The following RAB28 variants were observed in gnomAD, a reference collection of about 807,000 sequenced individuals.
RAB28 encodes ras-related protein Rab-28.
A neutral mutation model predicts 31.7 loss-of-function variants in RAB28; 24 were observed. The ratio of observed to expected loss-of-function variants is 0.76; its 90% CI spans 0.55 to 1.06. RAB28 has a LOEUF of 1.06. RAB28 is among the 50% of genes least tolerant of loss of function. RAB28 has a pLI of 0.00. For synonymous variants in RAB28, 100 were observed against 90.4 expected, an observed-to-expected ratio of 1.11 and a Z score of -0.60; for missense variants, 254 against 258.5, an observed-to-expected ratio of 0.98 and a Z score of 0.12.
At chr4:13,415,008 G>A (rs550557868) in intron 4 of RAB28, among the ~76,000 whole-genome samples, 14 of 152,244 alleles carry the variant, frequency 9.2e-5, no homozygotes, top group African/African-American at 3.4e-4. Flanking sequence ...AGTATTAAGG[G>A]TTCTTGGTAT....
intron 2 of RAB28, among the ~76,000 whole-genome samples, chr4:13,476,438 C>T (rs1716362761): frequency 6.6e-6 from 1 of 151,310 alleles, no homozygotes. Flanking sequence ...TGATAGTCCA[C>T]TAATATAGAA....
intron 3 of RAB28, among the ~76,000 whole-genome samples, chr4:13,461,832 G>C (rs2108961122): frequency 1.3e-5 from 2 of 152,202 alleles, no homozygotes; most frequent in Non-Finnish European, 2.9e-5. Context: ...TGTAACAGTA[G>C]TAATCAACTA....
intron 4 of RAB28, among the ~76,000 whole-genome samples, chr4:13,448,793 T>C (rs1036066556): frequency 6.6e-6 from 1 of 152,000 alleles, no homozygotes; most frequent in Non-Finnish European, 1.5e-5. Context: ...CAGCTTTAAG[T>C]ATATATAACA....
chr4:13,380,472 A>G (rs1729084575), intron 5 of RAB28, among the ~76,000 whole-genome samples: 1 of 152,198 alleles, frequency 6.6e-6, no homozygotes, highest in African/African-American at 2.4e-5. Flanking sequence ...ATAGAAAGTT[A>G]TAACAAGTAA....
intron 3 of RAB28, among the ~76,000 whole-genome samples, chr4:13,464,721 C>T (rs1450415806): frequency 6.6e-6 from 1 of 152,076 alleles, no homozygotes; most frequent in Non-Finnish European, 1.5e-5. Flanking sequence ...AAGCCTCACA[C>T]TAAAATTCTA....
At chr4:13,449,743 T>C (rs961468555) in intron 4 of RAB28, among the ~76,000 whole-genome samples, 3 of 151,886 alleles carry the variant, frequency 2.0e-5, no homozygotes, top group African/African-American at 7.2e-5. Context: ...AGAGTAGAAA[T>C]CATTCATCCA....
chr4:13,449,246 T>C (rs777472457), intron 4 of RAB28, among the ~76,000 whole-genome samples: 1 of 151,964 alleles, frequency 6.6e-6, no homozygotes, highest in African/African-American at 2.4e-5. Flanking sequence ...ATATTACCAA[T>C]TTAATAGTTT....
chr4:13,480,279 C>A (rs1034104508), intron 1 of RAB28, among the ~76,000 whole-genome samples: 1 of 151,556 alleles, frequency 6.6e-6, no homozygotes, highest in African/African-American at 2.4e-5. Flanking sequence ...CTTATCAAAG[C>A]AAAAGAATAA....
intron 4 of RAB28, among the ~76,000 whole-genome samples, chr4:13,457,657 A>C (rs549702586): frequency 6.6e-6 from 1 of 152,254 alleles, no homozygotes; most frequent in South Asian, 2.1e-4. Flanking sequence ...AATCTCCAAC[A>C]TAACACTGTA....
chr4:13,377,490 G>GAAC, intron 5 of RAB28, among the ~76,000 whole-genome samples: 1 of 152,288 alleles, frequency 6.6e-6, no homozygotes, highest in Non-Finnish European at 1.5e-5. Context: ...AATGGTCAAG[G>GAAC]AACAACAGGA....
intron 2 of RAB28, among the ~76,000 whole-genome samples, chr4:13,474,868 CA>C (rs998015283): frequency 6.6e-6 from 1 of 151,472 alleles, no homozygotes; most frequent in Non-Finnish European, 1.5e-5. Context: ...TAGCAAACTA[CA>C]AAAATGCACC....
intron 3 of RAB28, chr4:13,474,107 A>T: frequency 1.4e-6 from 1 of 707,574 alleles, no homozygotes; most frequent in Non-Finnish European, 2.6e-6. Context: ...AAAGCTGTTC[A>T]GAGTTTTCCT....
At chr4:13,403,830 A>T (rs978932209) in intron 4 of RAB28, among the ~76,000 whole-genome samples, 3 of 152,232 alleles carry the variant, frequency 2.0e-5, no homozygotes, top group African/African-American at 4.8e-5. Flanking sequence ...TTTATAATAC[A>T]TAAGAACAAA....
chr4:13,392,201 C>G (rs972614246), intron 4 of RAB28, among the ~76,000 whole-genome samples: 6 of 152,100 alleles, frequency 3.9e-5, no homozygotes, highest in African/African-American at 1.4e-4. Flanking sequence ...AATTTATTCA[C>G]TTGGATAACT....
At chr4:13,476,508 T>C in intron 2 of RAB28, among the ~76,000 whole-genome samples, 1 of 151,570 alleles carries the variant, frequency 6.6e-6, no homozygotes, top group East Asian at 1.9e-4. Flanking sequence ...TTACTTCTTA[T>C]ATCTAGAAAT....
chr4:13,399,715 T>C (rs1277729988), intron 4 of RAB28, among the ~76,000 whole-genome samples: 1 of 152,212 alleles, frequency 6.6e-6, no homozygotes, highest in East Asian at 1.9e-4. Flanking sequence ...TCTTCTTCCA[T>C]GAAATTTCTA....
intron 3 of RAB28, among the ~76,000 whole-genome samples, chr4:13,464,536 ATACTT>A (rs1715749647): frequency 6.6e-6 from 1 of 152,036 alleles, no homozygotes; most frequent in Non-Finnish European, 1.5e-5. Flanking sequence ...CTCCTCCCCC[ATACTT>A]TACCACAACA....
intron 4 of RAB28, among the ~76,000 whole-genome samples, chr4:13,429,069 C>T (rs574718960): frequency 6.6e-6 from 1 of 151,754 alleles, no homozygotes; most frequent in African/African-American, 2.4e-5. Flanking sequence ...CTCAGCCTCC[C>T]GAGTAGCTGG....
intron 4 of RAB28, among the ~76,000 whole-genome samples, chr4:13,426,071 C>T (rs1320368349): frequency 6.6e-6 from 1 of 152,022 alleles, no homozygotes; most frequent in African/African-American, 2.4e-5. Context: ...GCTGTATTAC[C>T]ATCAAATTTA....
Sources: allele counts gnomAD v4.1 joint callset (sites outside exome capture counted in the v4.1 genomes callset), GRCh38; gene constraint gnomAD v4.1.1; transcripts MANE v1.5; gene names NCBI Gene and HGNC (gene_info 2026-07-23, HGNC 2026-07-21).